The following TDRD12 variants were observed in gnomAD, a reference collection of about 807,000 sequenced individuals.
TDRD12 encodes tudor domain containing 12.
A neutral mutation model predicts 133.5 loss-of-function variants in TDRD12; 158 were observed. The observed-to-expected ratio is 1.18, with a 90% CI of 1.04 to 1.35. TDRD12 has a LOEUF of 1.35. Ranked by LOEUF, TDRD12 falls within the 40% of genes most tolerant of loss-of-function variation. The pLI is 0.00. For missense variants in TDRD12, 1,443 were observed against 1,321.3 expected (o/e 1.09, Z -1.43); for synonymous variants, 460 against 477.9 (o/e 0.96, Z 0.49).
chr19:32,752,982 C>T (rs1051114458), intron 6 of TDRD12, among the ~76,000 whole-genome samples: 4 of 151,642 alleles, frequency 2.6e-5, no homozygotes, highest in Non-Finnish European at 5.9e-5. Flanking sequence ...TTAATAGAGA[C>T]GGGGTTTCAC....
exon 16 of TDRD12, chr19:32,798,390 G>T: frequency 6.5e-7 from 1 of 1,535,742 alleles, no homozygotes; most frequent in South Asian, 1.2e-5. Flanking sequence ...TCTGCCACCT[G>T]ATCCTGGATG....
intron 6 of TDRD12, among the ~76,000 whole-genome samples, chr19:32,755,166 C>T (rs186544585): frequency 1.2e-4 from 19 of 152,350 alleles, no homozygotes; most frequent in African/African-American, 4.1e-4. Context: ...CCCATTAACT[C>T]GTTGATGGAT....
chr19:32,777,832 T>TATATATAC (rs1970631958), intron 11 of TDRD12, among the ~76,000 whole-genome samples: 1 of 8,206 alleles, frequency 1.2e-4, no homozygotes, highest in Non-Finnish European at 2.3e-4. Flanking sequence ...TATATATATA[T>TATATATAC]ATATATATAT....
rs780430686 is a variant in TDRD12, at chr19:32,737,323, G to A, written c.184-1533G>A. On this transcript the variant is annotated intron_variant, in intron 2 of 27. Coordinates refer to ENST00000444215, the Ensembl canonical transcript of TDRD12. ...TGGCTCAAGTGATCCTCCTGCCTCAGCCTCCTGAGTAGCTGGGACTACAGG... is the reference window on the plus strand; with the variant it reads ...TGGCTCAAGTGATCCTCCTGCCTCAACCTCCTGAGTAGCTGGGACTACAGG... 3.5e-4 allele frequency among the ~76,000 whole-genome samples: 53 copies of A among 151,852 alleles called. 1 individual carries two copies. Among genetic ancestry groups the A allele is most frequent in the Non-Finnish European group, 1.3e-4 (9 of 67,932 alleles).
intron 16 of TDRD12, among the ~76,000 whole-genome samples, chr19:32,799,660 G>A (rs896689288): frequency 4.3e-5 from 6 of 138,494 alleles, no homozygotes; most frequent in African/African-American, 8.1e-5. Context: ...CTTTAGTTTT[G>A]TTTATAATGG....
At position 32,816,536 on chromosome 19, in the gene TDRD12, C is replaced by T. The variant is rs116308786; in HGVS notation, c.3314+916C>T. 5.8e-3 allele frequency among the ~76,000 whole-genome samples: 878 copies of T among 152,344 alleles called. 8 individuals carry two copies. Among genetic ancestry groups the T allele is most frequent in the African/African-American group, 0.02 (828 of 41,572 alleles). ...TACCATTATTTGTTTACCCATTCTA[C>T]TGTTGACTGGGGAAATTTCCAGTTT... On this transcript the variant is annotated intron_variant, in intron 26 of 27. Coordinates refer to ENST00000444215, the Ensembl canonical transcript of TDRD12.
chr19:32,816,590 C>T (rs1008550753), intron 26 of TDRD12, among the ~76,000 whole-genome samples: 1 of 152,210 alleles, frequency 6.6e-6, no homozygotes, highest in Admixed American at 6.5e-5. Context: ...GCGCTTTAAA[C>T]ATTACCGTAC....
In TDRD12 at chr19:32,807,776, T is replaced by A. The variant is rs1599614264; in HGVS notation, c.2652+128T>A. 53 of 528,888 alleles carry A rather than the reference T, an allele frequency of 1.0e-4. No homozygotes were observed. In the East Asian group the frequency reaches 1.7e-3, roughly 17 times the overall value. 32.8% of individuals were successfully genotyped at this position (528,888 alleles called of 1,614,324 possible). A position where few individuals can be genotyped will look rare whatever the true frequency, so the allele number is the denominator to read the frequency against. On this transcript the variant is annotated intron_variant, in intron 22 of 27. Coordinates refer to ENST00000444215, the Ensembl canonical transcript of TDRD12. The stretch of plus-strand genomic sequence containing the variant: ...AGTGATCAGTATTAACATACCACCA[T>A]TAGTGCAACCAGAGGCACGTGTCCT...
rs184039244 is a variant in TDRD12 at position 32,730,018 on chromosome 19, C to T, written c.25-1707C>T. Among the ~76,000 whole-genome samples, 1,276 of 152,014 alleles carry T rather than the reference C, an allele frequency of 8.4e-3. 14 individuals carry two copies. Among genetic ancestry groups the T allele is most frequent in the African/African-American group, 0.026 (1,080 of 41,454 alleles). On this transcript the variant is annotated intron_variant, in intron 1 of 27. Coordinates refer to ENST00000444215, the Ensembl canonical transcript of TDRD12. ...TGTTAGCTAGGATGGTCTCGATCTC[C>T]TGACCTCGTGATCCGCCCACCTCGG...
intron 12 of TDRD12, 53 bp from the exon 13 acceptor site, chr19:32,790,911 T>TCA: frequency 6.6e-7 from 1 of 1,514,902 alleles, no homozygotes; most frequent in Non-Finnish European, 8.8e-7. Flanking sequence ...CTTGATCTCC[T>TCA]GTGCTGACGC....
intron 16 of TDRD12, 72 bp from the exon 17 acceptor site, chr19:32,800,095 C>G (rs938026429): frequency 8.9e-6 from 8 of 898,314 alleles, no homozygotes; most frequent in Middle Eastern, 6.5e-4. Context: ...CAAACCCTTA[C>G]ATTTTATGTT....
exon 24 of TDRD12, chr19:32,811,397 A>G: frequency 3.3e-6 from 5 of 1,536,150 alleles, no homozygotes; most frequent in African/African-American, 1.4e-5. Flanking sequence ...ACCTGCTGAC[A>G]ACGAAATAGA....
chr19:32,829,447 A>G (rs566307060), downstream of TDRD12: 4 of 152,366 alleles, frequency 2.6e-5, no homozygotes, highest in Middle Eastern at 3.4e-3. Context: ...TCTGATTTCA[A>G]GTTTTGGTCA....
intron 13 of TDRD12, among the ~76,000 whole-genome samples, chr19:32,793,976 T>G (rs1309290008): frequency 8.0e-6 from 1 of 125,476 alleles, no homozygotes; most frequent in Non-Finnish European, 1.7e-5. Flanking sequence ...CTATTTTTAG[T>G]AGAGACGGGG....
At position 32,794,346 on chromosome 19, in the gene TDRD12, C is replaced by G. The variant is rs1971160839; in HGVS notation, c.1288-282C>G. On this transcript the variant is annotated intron_variant, in intron 13 of 27. Coordinates refer to ENST00000444215, the Ensembl canonical transcript of TDRD12. ...TCTCGGACTCCTGACCTCAGGTGAT[C>G]CACCCACCTCGGCCTCCCAAAGTGC... Among the ~76,000 whole-genome samples the G allele has an allele frequency of 2.0e-5, 3 of 151,976 alleles. 1 individual carries two copies. Among genetic ancestry groups the G allele is most frequent in the Non-Finnish European group, 4.4e-5 (3 of 67,990 alleles).
chr19:32,735,860 C>G (rs1464904891), intron 2 of TDRD12, among the ~76,000 whole-genome samples: 3 of 152,128 alleles, frequency 2.0e-5, no homozygotes, highest in Admixed American at 2.0e-4. Context: ...ATCCCAGCTA[C>G]TGGGGAGGCT....
intron 27 of TDRD12, among the ~76,000 whole-genome samples, chr19:32,820,342 G>A (rs879529692): frequency 1.1e-3 from 163 of 152,286 alleles, no homozygotes; most frequent in African/African-American, 3.7e-3. Context: ...TGTCACCCAC[G>A]AGGAAGGGAG....
chr19:32,788,700 C>G (rs1970981081), intron 11 of TDRD12, among the ~76,000 whole-genome samples: 1 of 152,110 alleles, frequency 6.6e-6, no homozygotes, highest in South Asian at 2.1e-4. Flanking sequence ...AGATGTCATG[C>G]AGTCCTTGAT....
At chr19:32,734,092 T>C (rs1375970652) in intron 2 of TDRD12, among the ~76,000 whole-genome samples, 1 of 151,932 alleles carries the variant, frequency 6.6e-6, no homozygotes, top group Non-Finnish European at 1.5e-5. Context: ...AGATGGGATT[T>C]CACCCTGGTA....
Sources: gnomAD v4.1 joint callset for allele counts (sites outside exome capture counted in the v4.1 genomes callset) on GRCh38, gnomAD v4.1.1 for gene constraint, MANE v1.5 for transcripts, NCBI Gene and HGNC (gene_info 2026-07-23, HGNC 2026-07-21) for gene names.